YTHDC2: variants seen among roughly 807,000 people sequenced by gnomAD.
YTHDC2 encodes the protein YTH N6-methyladenosine RNA binding protein C2.
A neutral mutation model predicts 174.9 loss-of-function variants in YTHDC2; 45 were observed. The ratio of observed to expected loss-of-function variants is 0.26; its 90% CI spans 0.20 to 0.33. The LOEUF (loss-of-function observed/expected upper bound fraction) is 0.33. Ranked by LOEUF, YTHDC2 falls within the 10% of genes least tolerant of loss-of-function variation. The pLI, the probability that YTHDC2 is intolerant of heterozygous loss-of-function variation, is 1.00. For synonymous variants in YTHDC2, 657 were observed against 574.5 expected (o/e 1.14, Z -2.05); for missense variants, 1,650 against 1,723.7 (o/e 0.96, Z 0.76).
At position 113,564,048 on chromosome 5, in the gene YTHDC2, C is replaced by G. The variant is rs769398579; in HGVS notation, c.2632C>G (p.Gln878Glu). ...DPFVLPTQAS[Q>E]KRAAMLCRKR... ...TTTTGTACTACCTACTCAGGCCTCT[C>G]AAAAACGTGCAGCTATGCTTTGTAG... Residue 878 changes from glutamine to glutamate, a missense_variant, in exon 20 of 30, where the codon CAA (glutamine) becomes GAA (glutamate). Transcript: ENST00000161863. 46 of 1,613,986 alleles carry G rather than the reference C, an allele frequency of 2.9e-5. No homozygotes were observed. The highest frequency in any genetic ancestry group is 8.5e-6 in the Non-Finnish European group (10 of 1,180,020).
At chr5:113,561,585 C>T (rs1481097300) in intron 18 of YTHDC2, among the ~76,000 whole-genome samples, 2 of 151,766 alleles carry the variant, frequency 1.3e-5, no homozygotes, top group Admixed American at 1.3e-4. Context: ...TCTCTGGCCT[C>T]AGCCTCCCGA....
chr5:113,581,217 G>A (rs1778384963), intron 24 of YTHDC2, 200 bp from the exon 25 acceptor site: 1 of 452,226 alleles, frequency 2.2e-6, no homozygotes, highest in Non-Finnish European at 3.7e-6. Context: ...TATTTAATTT[G>A]ATTTTGTGTC....
In YTHDC2 at chr5:113,567,317, G is replaced by A. The variant is rs763471459; in HGVS notation, c.3048+20G>A. 6.3e-7 allele frequency: 1 copy of A among 1,583,288 alleles called. No individual in the cohort carries two copies. The highest frequency in any genetic ancestry group is 1.2e-5 in the South Asian group (1 of 85,022). On this transcript the variant is annotated intron_variant, in intron 22 of 29. Transcript: ENST00000161863. ...AAAAAGGTAAAAGATTTTGAATGCT[G>A]TTGGGTTTTGAGGTGAAACTAATTT...
rs369542051 is a variant in YTHDC2, at chr5:113,553,841, G to T, written c.2039G>T (p.Gly680Val). 7 of 1,607,414 alleles carry T rather than the reference G, an allele frequency of 4.4e-6. No homozygotes were observed. In the African/African-American group the frequency reaches 6.8e-5, roughly 16 times the overall value. ...AAAGTATTAAAAAACCCACCTGCAG[G>T]TGTTCGAAAAATAGTAAGCTTCATA... Reference protein sequence around the residue: ...QKKVLKNPPAGVRKIILSTNI... With the variant: ...QKKVLKNPPAVVRKIILSTNI... The change falls in exon 15 of 30, where the codon GGT becomes GTT. Residue 680 changes from glycine (G) to valine (V), a missense_variant. Physicochemically the swap from Gly to Val is moderately radical, Grantham distance 109. This residue lies in a region of YTHDC2 where 913 missense variants were observed against 940.4 expected (regional missense o/e 0.97). Transcript: ENST00000161863.
intron 12 of YTHDC2, among the ~76,000 whole-genome samples, chr5:113,551,828 AT>A (rs1253024693): frequency 5.3e-5 from 8 of 152,082 alleles, no homozygotes; most frequent in Non-Finnish European, 1.2e-4. Context: ...GTCTTACGTT[AT>A]TTTTCTGCTA....
At chr5:113,557,057 GA>G (rs1160756966) in intron 17 of YTHDC2, among the ~76,000 whole-genome samples, 1 of 152,112 alleles carries the variant, frequency 6.6e-6, no homozygotes, top group Non-Finnish European at 1.5e-5. Flanking sequence ...TTTGTGGTAA[GA>G]AAAATATATG....
intron 7 of YTHDC2, among the ~76,000 whole-genome samples, chr5:113,537,802 C>G (rs890459731): frequency 1.3e-5 from 2 of 151,884 alleles, no homozygotes; most frequent in Non-Finnish European, 2.9e-5. Flanking sequence ...TTTGCAAAAC[C>G]CTTTTCTCTT....
Position 113,525,103 on chromosome 5 carries a change from T to G in YTHDC2, c.401T>G (p.Phe134Cys). The change falls in exon 3 of 30, where the codon TTT (phenylalanine) becomes TGT (cysteine). Residue 134 changes from phenylalanine (F) to cysteine (C), a missense_variant. This residue lies in a region of YTHDC2 where 304 missense variants were observed against 341.4 expected (regional missense o/e 0.89). Coordinates refer to ENST00000161863, the MANE Select transcript of YTHDC2 (RefSeq NM_022828.5). ...GCTGTTAGGAGCCTAATTCAAAGAT[T>G]TCCTGTCACCAATAAAGAGCGTACA... ...KHAVRSLIQR[F>C]PVTNKERTEL... The G allele has an allele frequency of 6.2e-7, 1 of 1,612,370 alleles. No individual in the cohort carries two copies. The highest frequency in any genetic ancestry group is 8.5e-7 in the Non-Finnish European group (1 of 1,179,106).
intron 26 of YTHDC2, among the ~76,000 whole-genome samples, chr5:113,590,298 T>G (rs898552971): frequency 2.0e-4 from 30 of 152,224 alleles, no homozygotes; most frequent in African/African-American, 7.0e-4. Flanking sequence ...CAGAGCAGTC[T>G]TTATTCTGTT....
At chr5:113,553,730 G>C (rs930259549) in intron 14 of YTHDC2, 37 bp from the exon 15 acceptor site, 29 of 1,612,312 alleles carry the variant, frequency 1.8e-5, no homozygotes, top group Middle Eastern at 1.6e-4. Context: ...ATAACGGACA[G>C]GTCTTATAGT....
At chr5:113,554,134 AGAC>A in intron 16 of YTHDC2, 112 bp downstream of exon 16, 1 of 955,066 alleles carries the variant, frequency 1.0e-6, no homozygotes, top group Non-Finnish European at 1.4e-6. Context: ...CCTCTACTCA[AGAC>A]AGCTTGGACC....
At chr5:113,553,556 G>T in intron 13 of YTHDC2, 34 bp from the exon 14 acceptor site, 1 of 1,597,324 alleles carries the variant, frequency 6.3e-7, no homozygotes, top group South Asian at 1.1e-5. Flanking sequence ...GATTCACAAT[G>T]AGATTTAATA....
intron 25 of YTHDC2, chr5:113,582,388 T>C (rs964546615): frequency 4.6e-5 from 7 of 152,240 alleles, no homozygotes; most frequent in African/African-American, 1.7e-4. Context: ...TTTATGAATA[T>C]TAATGAGATA....
rs1338834559 is a variant in YTHDC2 at position 113,594,539 on chromosome 5, T to G, written c.*1065T>G. ...GGTTTAATAAATGGGGGATAATTTTTTTTTTGTAAATCCGTGCTTGTGCCA... is the reference window on the plus strand; with the variant it reads ...GGTTTAATAAATGGGGGATAATTTTGTTTTTGTAAATCCGTGCTTGTGCCA... On this transcript the variant is annotated 3_prime_UTR_variant, in exon 30 of 30. Coordinates refer to ENST00000161863, the MANE Select transcript of YTHDC2 (RefSeq NM_022828.5). The G allele has an allele frequency of 6.6e-6, 1 of 152,176 alleles. No homozygotes were observed. The highest frequency in any genetic ancestry group is 1.9e-4 in the East Asian group (1 of 5,194). 9.4% of individuals were successfully genotyped at this position (152,176 alleles called of 1,614,324 possible).
At chr5:113,573,971 C>A (rs1178682374) in intron 23 of YTHDC2, among the ~76,000 whole-genome samples, 2 of 152,148 alleles carry the variant, frequency 1.3e-5, no homozygotes, top group African/African-American at 4.8e-5. Flanking sequence ...TCATTTTAGC[C>A]ATCTCAGCCT....
intron 4 of YTHDC2, 85 bp from the exon 5 acceptor site, chr5:113,532,794 T>C: frequency 7.9e-7 from 1 of 1,261,610 alleles, no homozygotes; most frequent in Non-Finnish European, 1.1e-6. Flanking sequence ...AGAACTTCAA[T>C]TCTAGTGGTT....
intron 10 of YTHDC2, among the ~76,000 whole-genome samples, chr5:113,543,646 G>A (rs1775636917): frequency 6.6e-6 from 1 of 152,112 alleles, no homozygotes; most frequent in Non-Finnish European, 1.5e-5. Flanking sequence ...CTCAACTCTC[G>A]CAGGCTTCCA....
intron 1 of YTHDC2, chr5:113,514,289 C>T: frequency 2.8e-6 from 2 of 716,778 alleles, no homozygotes; most frequent in Non-Finnish European, 5.0e-6. Flanking sequence ...CTCTGCGGAT[C>T]AATGGGGTTA....
At chr5:113,557,752 A>G (rs1162075890) in intron 17 of YTHDC2, among the ~76,000 whole-genome samples, 1 of 152,166 alleles carries the variant, frequency 6.6e-6, no homozygotes, top group African/African-American at 2.4e-5. Flanking sequence ...GTGAGCTGTG[A>G]TCATACCACT....
Sources: allele counts gnomAD v4.1 joint callset (sites outside exome capture counted in the v4.1 genomes callset), GRCh38; gene constraint gnomAD v4.1.1; regional missense constraint gnomAD v4.1.1; transcripts MANE v1.5; gene names NCBI Gene and HGNC (gene_info 2026-07-23, HGNC 2026-07-21).